CNTN5: variants seen among roughly 807,000 people sequenced by gnomAD.
CNTN5 encodes contactin-5.
Under a neutral mutation model 129.1 loss-of-function variants are expected in CNTN5, and 77 were observed. The ratio of observed to expected loss-of-function variants is 0.60; its 90% CI spans 0.50 to 0.72. CNTN5 has a LOEUF of 0.72. Ranked by LOEUF, CNTN5 falls within the 30% of genes least tolerant of loss-of-function variation. The pLI is 0.00. For synonymous variants in CNTN5, 509 were observed against 465.6 expected, an observed-to-expected ratio of 1.09 and a Z score of -1.20; for missense variants, 1,478 against 1,328.8, an observed-to-expected ratio of 1.11 and a Z score of -1.75.
At chr11:99,820,956 T>G (rs141826048) in intron 4 of CNTN5, among the ~76,000 whole-genome samples, 2 of 152,330 alleles carry the variant, frequency 1.3e-5, no homozygotes, top group East Asian at 3.9e-4. Flanking sequence ...ATACCAATTG[T>G]TGCCATGTGC....
chr11:99,415,312 G>A (rs937796052), intron 2 of CNTN5, among the ~76,000 whole-genome samples: 16 of 145,026 alleles, frequency 1.1e-4, no homozygotes, highest in Non-Finnish European at 2.3e-4. Context: ...AAATGTGACT[G>A]GATAAAAAAA....
At chr11:99,161,617 T>C (rs1044447688) in intron 1 of CNTN5, among the ~76,000 whole-genome samples, 7 of 152,306 alleles carry the variant, frequency 4.6e-5, no homozygotes, top group Admixed American at 3.9e-4. Context: ...GGAACCATCA[T>C]AGCAGCCTTG....
At chr11:99,339,515 C>T (rs1335035719) in intron 2 of CNTN5, among the ~76,000 whole-genome samples, 2 of 152,072 alleles carry the variant, frequency 1.3e-5, no homozygotes, top group Non-Finnish European at 2.9e-5. Flanking sequence ...CTCAGTGGCT[C>T]ACACCTGTAA....
At chr11:99,286,192 A>C (rs922263) in intron 1 of CNTN5, among the ~76,000 whole-genome samples, 23,743 of 152,118 alleles carry the variant, frequency 0.16, 1,987 homozygotes, top group South Asian at 0.26. Context: ...GTTATACAAA[A>C]AGATGGGAGA....
At chr11:99,400,555 C>A (rs566386378) in intron 2 of CNTN5, among the ~76,000 whole-genome samples, 87 of 152,190 alleles carry the variant, frequency 5.7e-4, no homozygotes, top group Middle Eastern at 3.4e-3. Flanking sequence ...GTGCAGATAT[C>A]TCTTCCACGA....
intron 23 of CNTN5, among the ~76,000 whole-genome samples, chr11:100,343,774 GC>G (rs1406658855): frequency 3.9e-5 from 6 of 152,144 alleles, no homozygotes; most frequent in African/African-American, 1.4e-4. Flanking sequence ...CCAGGGCTGG[GC>G]ATGATACTCA....
chr11:99,213,282 A>G (rs1859907930), intron 1 of CNTN5, among the ~76,000 whole-genome samples: 1 of 146,012 alleles, frequency 6.8e-6, no homozygotes, highest in East Asian at 2.0e-4. Context: ...ATATATACAT[A>G]TAATATATAT....
At chr11:99,490,302 T>G (rs189552193) in intron 2 of CNTN5, among the ~76,000 whole-genome samples, 1 of 152,202 alleles carries the variant, frequency 6.6e-6, no homozygotes, top group Non-Finnish European at 1.5e-5. Context: ...CATTAAGTTA[T>G]TACATAATTT....
chr11:99,074,777 T>G (rs1352247698), intron 1 of CNTN5, among the ~76,000 whole-genome samples: 1 of 152,192 alleles, frequency 6.6e-6, no homozygotes, highest in Non-Finnish European at 1.5e-5. Context: ...CAAGCTTTTC[T>G]TGAGTATCTA....
chr11:99,330,931 C>T lies in CNTN5; in HGVS notation c.-71+5447C>T, dbSNP rs541950791. On this transcript the variant is annotated intron_variant, in intron 2 of 24. Transcript: ENST00000524871. ...GATAAAGGAGATGCCTAAAAATAAACATACACACACACATGTGCACACACA... is the reference window on the plus strand; with the variant it reads ...GATAAAGGAGATGCCTAAAAATAAATATACACACACACATGTGCACACACA... Among the ~76,000 whole-genome samples the T allele has an allele frequency of 3.3e-5, 5 of 151,920 alleles. No homozygotes were observed. The South Asian group carries it at 6.2e-4, about 19-fold the overall frequency.
intron 15 of CNTN5, among the ~76,000 whole-genome samples, chr11:100,211,029 T>A (rs1320391992): frequency 1.3e-5 from 2 of 152,156 alleles, no homozygotes; most frequent in Non-Finnish European, 2.9e-5. Flanking sequence ...GCTTGAGCCA[T>A]CCTAGTTGCA....
chr11:99,293,313 T>C (rs988161369), intron 1 of CNTN5, among the ~76,000 whole-genome samples: 1 of 152,142 alleles, frequency 6.6e-6, no homozygotes, highest in Non-Finnish European at 1.5e-5. Flanking sequence ...TTTTAACATG[T>C]TGCTGAATTC....
intron 2 of CNTN5, among the ~76,000 whole-genome samples, chr11:99,553,287 T>C (rs1948555412): frequency 6.6e-6 from 1 of 152,134 alleles, no homozygotes; most frequent in Non-Finnish European, 1.5e-5. Context: ...TGTAAACTGG[T>C]ACATTAAACT....
intron 8 of CNTN5, among the ~76,000 whole-genome samples, chr11:99,996,377 G>C (rs902843196): frequency 2.6e-5 from 4 of 152,124 alleles, no homozygotes; most frequent in African/African-American, 9.7e-5. Context: ...ACAGATTAAA[G>C]TCTAAATGTT....
intron 8 of CNTN5, among the ~76,000 whole-genome samples, chr11:99,981,105 C>CATATATATATATATATATATAT (rs796723672): frequency 9.1e-5 from 6 of 65,934 alleles, no homozygotes; most frequent in Non-Finnish European, 1.7e-4. Context: ...TATATATATA[C>CATATATATATATATATATATAT]ACACACACAC....
chr11:100,256,194 A>C (rs541181909), intron 17 of CNTN5, among the ~76,000 whole-genome samples: 1 of 152,302 alleles, frequency 6.6e-6, no homozygotes, highest in Admixed American at 6.5e-5. Context: ...AATAGTACAG[A>C]GTTCCTGTGG....
At chr11:99,847,812 T>G (rs75659486) in intron 6 of CNTN5, among the ~76,000 whole-genome samples, 12,001 of 152,082 alleles carry the variant, frequency 0.079, 666 homozygotes, top group East Asian at 0.15. Flanking sequence ...GGACTCAGAA[T>G]CGTTCAAAGA....
chr11:100,358,385 A>G lies in CNTN5; in HGVS notation c.*2165A>G, dbSNP rs1451037684. 1 of 151,902 alleles carries G rather than the reference A, an allele frequency of 6.6e-6. No homozygotes were observed. Among genetic ancestry groups the G allele is most frequent in the Non-Finnish European group, 1.5e-5 (1 of 67,834 alleles). The allele number at this position is 151,902 out of a possible 1,614,324, so 9.4% of individuals were successfully genotyped here. A position where few individuals can be genotyped will look rare whatever the true frequency, so the allele number is the denominator to read the frequency against. On this transcript the variant is annotated 3_prime_UTR_variant, in exon 25 of 25. Transcript: ENST00000524871. ...TTTACACATATAGAATGTCTGATGT[A>G]TTCTTACAGGAATCAGAGATATGGA...
chr11:100,251,232 G>T (rs1001997511), intron 16 of CNTN5, among the ~76,000 whole-genome samples: 1 of 152,006 alleles, frequency 6.6e-6, no homozygotes, highest in East Asian at 1.9e-4. Flanking sequence ...ATTCTTGCTC[G>T]ATTTTCTCAT....
Sources: allele counts gnomAD v4.1 joint callset (sites outside exome capture counted in the v4.1 genomes callset), GRCh38; gene constraint gnomAD v4.1.1; transcripts MANE v1.5; gene names NCBI Gene and HGNC (gene_info 2026-07-23, HGNC 2026-07-21).